Variants in ROBO2 observed in about 807,000 individuals in gnomAD.
ROBO2 encodes the protein roundabout homolog 2.
In ROBO2, 53 loss-of-function variants were observed where a neutral mutation model predicts 160.8. The observed-to-expected ratio is 0.33, with a 90% CI of 0.26 to 0.41. ROBO2 has a LOEUF of 0.41. Ranked by LOEUF, ROBO2 falls within the 10% of genes least tolerant of loss-of-function variation. The pLI is 1.00. For missense variants in ROBO2, 1,577 were observed against 1,722.4 expected, an observed-to-expected ratio of 0.92 and a Z score of 1.49; for synonymous variants, 664 against 611.7, an observed-to-expected ratio of 1.09 and a Z score of -1.26.
chr3:77,192,676 CAG>C (rs1250684344), intron 2 of ROBO2, among the ~76,000 whole-genome samples: 3 of 64,592 alleles, frequency 4.6e-5, no homozygotes, highest in African/African-American at 1.7e-4. Context: ...TTTTTTGAGA[CAG>C]AGTCTCACCC....
At chr3:76,477,904 T>C (rs1444357232) in intron 2 of ROBO2, among the ~76,000 whole-genome samples, 1 of 152,060 alleles carries the variant, frequency 6.6e-6, no homozygotes, top group Non-Finnish European at 1.5e-5. Flanking sequence ...TATAAATACA[T>C]AGTGCAATAC....
intron 2 of ROBO2, among the ~76,000 whole-genome samples, chr3:76,320,758 AG>A (rs1559759031): frequency 6.6e-6 from 1 of 152,194 alleles, no homozygotes; most frequent in Non-Finnish European, 1.5e-5. Flanking sequence ...ACCAGTGTGG[AG>A]AAACATACAG....
At chr3:76,078,984 A>G (rs1454196939) in intron 2 of ROBO2, among the ~76,000 whole-genome samples, 1 of 152,084 alleles carries the variant, frequency 6.6e-6, no homozygotes, top group Non-Finnish European at 1.5e-5. Flanking sequence ...CATTTCTCTG[A>G]TGATTAGTGA....
At chr3:76,034,151 T>A (rs2067020312) in intron 2 of ROBO2, among the ~76,000 whole-genome samples, 1 of 152,180 alleles carries the variant, frequency 6.6e-6, no homozygotes, top group Admixed American at 6.5e-5. Context: ...TCATGGGTCA[T>A]TTGCAGTGGC....
intron 2 of ROBO2, among the ~76,000 whole-genome samples, chr3:77,211,985 G>T (rs1218444017): frequency 6.6e-6 from 1 of 152,172 alleles, no homozygotes; most frequent in African/African-American, 2.4e-5. Context: ...TAGCCTTGTA[G>T]TATAGTTTGA....
intron 2 of ROBO2, among the ~76,000 whole-genome samples, chr3:76,164,751 G>T (rs1433986815): frequency 6.6e-6 from 1 of 152,158 alleles, no homozygotes; most frequent in Non-Finnish European, 1.5e-5. Flanking sequence ...GAGAATATTT[G>T]CATACTTTTT....
chr3:77,560,879 C>T (rs2093300309), intron 9 of ROBO2, among the ~76,000 whole-genome samples: 1 of 152,122 alleles, frequency 6.6e-6, no homozygotes, highest in South Asian at 2.1e-4. Context: ...TACTCTTTCA[C>T]AGACCATATT....
intron 19 of ROBO2, among the ~76,000 whole-genome samples, chr3:77,601,425 T>C (rs2094427746): frequency 6.6e-6 from 1 of 152,332 alleles, no homozygotes; most frequent in South Asian, 2.1e-4. Context: ...TTCTGAATTA[T>C]AAAGCATCAT....
At chr3:77,188,968 T>TGTGTGAGAGA (rs550237793) in intron 2 of ROBO2, among the ~76,000 whole-genome samples, 9 of 142,294 alleles carry the variant, frequency 6.3e-5, no homozygotes, top group Middle Eastern at 7.1e-3. Flanking sequence ...TGTGTGTGTG[T>TGTGTGAGAGA]GAGAGAGAGA....
chr3:76,443,925 G>A (rs1454627469), intron 2 of ROBO2, among the ~76,000 whole-genome samples: 2 of 151,928 alleles, frequency 1.3e-5, no homozygotes, highest in African/African-American at 2.4e-5. Flanking sequence ...TGCAAGAAAC[G>A]GTCAAACATT....
intron 2 of ROBO2, among the ~76,000 whole-genome samples, chr3:77,008,117 A>C (rs2061677946): frequency 6.6e-6 from 1 of 152,198 alleles, no homozygotes; most frequent in South Asian, 2.1e-4. Flanking sequence ...ATACTATATT[A>C]AAATTATAAA....
intron 2 of ROBO2, among the ~76,000 whole-genome samples, chr3:76,847,056 G>A (rs72898168): frequency 0.011 from 1,671 of 152,200 alleles, 28 homozygotes; most frequent in African/African-American, 0.038. Context: ...TGTTAAACAT[G>A]TCAAACACCC....
chr3:76,984,182 A>C (rs1205241816), intron 2 of ROBO2, among the ~76,000 whole-genome samples: 3 of 152,114 alleles, frequency 2.0e-5, no homozygotes, highest in Non-Finnish European at 4.4e-5. Context: ...CAATTCAAAA[A>C]TGAGATTATG....
intron 2 of ROBO2, among the ~76,000 whole-genome samples, chr3:77,402,012 A>G (rs553174390): frequency 6.6e-6 from 1 of 152,324 alleles, no homozygotes; most frequent in South Asian, 2.1e-4. Context: ...CACAATAGTA[A>G]AGACTTGCAA....
At chr3:77,004,705 A>C (rs1303369593) in intron 2 of ROBO2, among the ~76,000 whole-genome samples, 2 of 152,184 alleles carry the variant, frequency 1.3e-5, no homozygotes, top group Non-Finnish European at 2.9e-5. Flanking sequence ...TTTCAGTAAA[A>C]TGTTTCGGTG....
chr3:76,612,712 T>C (rs867346347), intron 2 of ROBO2, among the ~76,000 whole-genome samples: 2 of 152,224 alleles, frequency 1.3e-5, no homozygotes, highest in Middle Eastern at 3.4e-3. Flanking sequence ...TAAAGTAAAA[T>C]TAAAAATAAT....
intron 2 of ROBO2, among the ~76,000 whole-genome samples, chr3:77,403,467 C>CT (rs887947294): frequency 2.0e-5 from 3 of 152,074 alleles, no homozygotes; most frequent in African/African-American, 7.2e-5. Flanking sequence ...CAGCATTTGT[C>CT]TTTCTGAGTC....
At chr3:76,451,532 T>C (rs2077473999) in intron 2 of ROBO2, among the ~76,000 whole-genome samples, 1 of 152,178 alleles carries the variant, frequency 6.6e-6, no homozygotes, top group South Asian at 2.1e-4. Flanking sequence ...TTTAAAATTT[T>C]GCTGGGCAAA....
At chr3:77,433,510 A>ATATATG (rs2078999471) in intron 2 of ROBO2, among the ~76,000 whole-genome samples, 1 of 129,128 alleles carries the variant, frequency 7.7e-6, no homozygotes, top group Non-Finnish European at 1.6e-5. Context: ...ATATATATAT[A>ATATATG]TATATATATT....
Sources: gnomAD v4.1 joint callset for allele counts (sites outside exome capture counted in the v4.1 genomes callset) on GRCh38, gnomAD v4.1.1 for gene constraint, MANE v1.5 for transcripts, NCBI Gene and HGNC (gene_info 2026-07-23, HGNC 2026-07-21) for gene names.